CHI3L2: variants seen among roughly 807,000 people sequenced by gnomAD.
CHI3L2 encodes chitinase-3-like protein 2.
Under a neutral mutation model 47.3 loss-of-function variants are expected in CHI3L2, and 47 were observed. The observed-to-expected ratio is 0.99, with a 90% confidence interval of 0.79 to 1.27. The LOEUF (loss-of-function observed/expected upper bound fraction) is 1.27, where lower values mean the gene tolerates loss of function less well. Among genes scored for constraint, CHI3L2 ranks in the 50% most tolerant of loss-of-function variants. The pLI, the probability that CHI3L2 is intolerant of heterozygous loss-of-function variation, is 0.00. For synonymous variants in CHI3L2, 198 were observed against 169.9 expected (o/e 1.17, Z -1.28); for missense variants, 497 against 462.1 (o/e 1.08, Z -0.69).
intron 4 of CHI3L2, 197 bp downstream of exon 4, chr1:111,231,491 G>T: frequency 1.8e-6 from 1 of 543,156 alleles, no homozygotes; most frequent in African/African-American, 1.9e-5. Flanking sequence ...AATTCTTCTG[G>T]AGCTTAATAC....
chr1:111,235,887 A>C, intron 6 of CHI3L2, 124 bp downstream of exon 6: 3 of 1,538,082 alleles, frequency 2.0e-6, no homozygotes, highest in Non-Finnish European at 2.7e-6. Flanking sequence ...CTAACCCTGC[A>C]TCATTCAGCC....
At chr1:111,236,359 T>C (rs1335139933) in intron 7 of CHI3L2, among the ~76,000 whole-genome samples, 1 of 152,224 alleles carries the variant, frequency 6.6e-6, no homozygotes. Flanking sequence ...TCAGAAGTGC[T>C]GATAGCTGAA....
chr1:111,230,618 AC>A, intron 2 of CHI3L2, 123 bp from the exon 3 acceptor site: 1 of 753,928 alleles, frequency 1.3e-6, no homozygotes, highest in East Asian at 2.7e-5. Context: ...AGGCTGAATG[AC>A]CCTCAGAGGC....
intron 1 of CHI3L2, 113 bp downstream of exon 1, chr1:111,227,882 C>T: frequency 1.8e-6 from 2 of 1,098,512 alleles, no homozygotes; most frequent in South Asian, 2.7e-5. Context: ...TTCCGTTGAC[C>T]TTAGTGTCAA....
At chr1:111,229,031 T>C (rs1258244547) in intron 1 of CHI3L2, among the ~76,000 whole-genome samples, 1 of 152,236 alleles carries the variant, frequency 6.6e-6, no homozygotes, top group African/African-American at 2.4e-5. Flanking sequence ...TAATTGTTTA[T>C]ACATAGTGGG....
intron 7 of CHI3L2, 122 bp downstream of exon 7, chr1:111,236,275 G>A (rs1659886482): frequency 1.8e-6 from 2 of 1,099,552 alleles, no homozygotes; most frequent in East Asian, 2.6e-5. Flanking sequence ...AGAGGGAATT[G>A]GGTAGCCCCA....
rs778552657 is a variant in CHI3L2, at chr1:111,241,387, G to A, written c.979G>A (p.Ala327Thr). 50 of 1,610,314 alleles carry A rather than the reference G, an allele frequency of 3.1e-5. No homozygotes were observed. The highest frequency in any genetic ancestry group is 6.7e-5 in the African/African-American group (5 of 74,874). ...TRLQDQQVPY[A>T]VKGNQWVGYD... Reference sequence around the variant, plus strand: ...GCTCCAGGATCAGCAGGTTCCCTACGCAGTCAAGGGGAACCAGTGGGTGGG... The same window carrying A: ...GCTCCAGGATCAGCAGGTTCCCTACACAGTCAAGGGGAACCAGTGGGTGGG... The change falls in exon 9 of 11, where the codon GCA becomes ACA. Residue 327 changes from alanine (A) to threonine (T), a missense_variant. Physicochemically the swap from Ala to Thr is moderately conservative, Grantham distance 58. Coordinates refer to ENST00000369748, the MANE Select transcript of CHI3L2 (RefSeq NM_004000.3).
intron 7 of CHI3L2, among the ~76,000 whole-genome samples, chr1:111,238,408 A>G (rs771342582): frequency 2.6e-5 from 4 of 152,258 alleles, no homozygotes; most frequent in Non-Finnish European, 4.4e-5. Context: ...ACAAAGAGCC[A>G]TTGTGTAGAC....
intron 5 of CHI3L2, 133 bp from the exon 6 acceptor site, chr1:111,235,506 T>C: frequency 1.0e-6 from 1 of 982,186 alleles, no homozygotes; most frequent in South Asian, 1.6e-5. Context: ...GGCATCCCCA[T>C]GTGGGGTGGG....
Position 111,230,939 on chromosome 1 carries a change from A to G in CHI3L2, c.268A>G (p.Thr90Ala). The G allele has an allele frequency of 2.5e-6, 4 of 1,613,750 alleles. No individual in the cohort carries two copies. Among genetic ancestry groups the G allele is most frequent in the Non-Finnish European group, 3.4e-6 (4 of 1,179,716 alleles). The change falls in exon 3 of 11, where the codon ACC (threonine) becomes GCC (alanine). Residue 90 changes from threonine to alanine, a missense_variant. Coordinates refer to ENST00000369748, the MANE Select transcript of CHI3L2 (RefSeq NM_004000.3). ...CTACCAGACCATCAACAGTCTCAAA[A>G]CCAAGTGAGTAAGATGGGGGTGGAA... ...MLYQTINSLK[T>A]KNPKLKILLS...
chr1:111,243,163 T>A (rs1660112227), intron 10 of CHI3L2, 54 bp from the exon 11 acceptor site: 1 of 455,960 alleles, frequency 2.2e-6, no homozygotes, highest in Admixed American at 2.3e-5. Flanking sequence ...GTAACTTGAC[T>A]TAGGCCTCAG....
At chr1:111,232,313 G>T (rs1008997784) in intron 4 of CHI3L2, among the ~76,000 whole-genome samples, 3 of 152,106 alleles carry the variant, frequency 2.0e-5, no homozygotes, top group African/African-American at 7.2e-5. Context: ...AGGTGTTGAT[G>T]CAAATAAAAA....
chr1:111,231,179 T>C lies in CHI3L2; in HGVS notation c.273-59T>C, dbSNP rs1335239509. On this transcript the variant is annotated intron_variant, in intron 3 of 10. Transcript: ENST00000369748. Reference sequence around the variant, plus strand: ...CTCTACACTTAAGAACTCTGTTCTTTAGACAAAGGCTTCCCTGGCAGCCAG... The same window carrying C: ...CTCTACACTTAAGAACTCTGTTCTTCAGACAAAGGCTTCCCTGGCAGCCAG... 62 of 1,417,068 alleles carry C rather than the reference T, an allele frequency of 4.4e-5. 1 individual carries two copies. Among genetic ancestry groups the C allele is most frequent in the Non-Finnish European group, 5.3e-5 (53 of 1,003,974 alleles). 87.8% of individuals were successfully genotyped at this position (1,417,068 alleles called of 1,614,324 possible).
chr1:111,232,817 G>A (rs565799621), intron 4 of CHI3L2, among the ~76,000 whole-genome samples: 1 of 152,320 alleles, frequency 6.6e-6, no homozygotes, highest in East Asian at 1.9e-4. Context: ...CTGCCCAGAG[G>A]CTCAGGTGCA....
chr1:111,233,666 C>CG (rs1375558012), intron 4 of CHI3L2, among the ~76,000 whole-genome samples: 1 of 151,956 alleles, frequency 6.6e-6, no homozygotes, highest in African/African-American at 2.4e-5. Context: ...CCCCTCTGCC[C>CG]GGCCACCACC....
At chr1:111,238,387 T>C (rs1213230782) in intron 7 of CHI3L2, among the ~76,000 whole-genome samples, 1 of 152,258 alleles carries the variant, frequency 6.6e-6, no homozygotes, top group East Asian at 1.9e-4. Flanking sequence ...CAGCCACCTT[T>C]GTCAGTATTC....
At position 111,238,829 on chromosome 1, in the gene CHI3L2, C is replaced by G. The variant is rs1323430099; in HGVS notation, c.815C>G (p.Ser272Cys). The G allele has an allele frequency of 6.2e-7, 1 of 1,613,984 alleles. No individual in the cohort carries two copies. The highest frequency in any genetic ancestry group is 1.1e-5 in the South Asian group (1 of 91,060). ...VVMGIPTYGH[S>C]FTLASAETTV... is the part of the protein sequence containing the mutation. The stretch of plus-strand genomic sequence containing the variant: ...ATGGGCATCCCCACATATGGGCACT[C>G]CTTCACACTGGCCTCTGCAGAAACC... The change falls in exon 8 of 11, where the codon TCC becomes TGC. Residue 272 changes from serine to cysteine, a missense_variant. Transcript: ENST00000369748.
chr1:111,232,590 C>A (rs1659755569), intron 4 of CHI3L2, among the ~76,000 whole-genome samples: 1 of 152,142 alleles, frequency 6.6e-6, no homozygotes, highest in Admixed American at 6.5e-5. Flanking sequence ...GCAGGCAACG[C>A]AAGCAAACTG....
chr1:111,240,504 C>T (rs1349318518), intron 8 of CHI3L2, among the ~76,000 whole-genome samples: 1 of 152,158 alleles, frequency 6.6e-6, no homozygotes, highest in East Asian at 1.9e-4. Context: ...GTTATAATAT[C>T]AACCACTAGA....
Sources: allele counts gnomAD v4.1 joint callset (sites outside exome capture counted in the v4.1 genomes callset), GRCh38; gene constraint gnomAD v4.1.1; transcripts MANE v1.5; gene names NCBI Gene and HGNC (gene_info 2026-07-23, HGNC 2026-07-21).